Variants in PHACTR2 observed in about 807,000 individuals in gnomAD.
PHACTR2 encodes phosphatase and actin regulator 2, also known as chromosome 6 open reading frame 56.
In PHACTR2, 30 loss-of-function variants were observed where a neutral mutation model predicts 76.0. The observed-to-expected ratio is 0.39, with a 90% confidence interval of 0.30 to 0.54. The LOEUF is 0.54. Ranked by LOEUF, PHACTR2 falls within the 20% of genes least tolerant of loss-of-function variation. The pLI, the probability that PHACTR2 is intolerant of heterozygous loss-of-function variation, is 0.61. For synonymous variants in PHACTR2, 292 were observed against 292.5 expected (o/e 1.00, Z 0.02); for missense variants, 696 against 781.1 (o/e 0.89, Z 1.30).
rs1776520992 is a variant in PHACTR2, at chr6:143,639,155, T to C, written c.13+30833T>C. Among the ~76,000 whole-genome samples the C allele has an allele frequency of 6.6e-6, 1 of 152,242 alleles. No individual in the cohort carries two copies. Among genetic ancestry groups the C allele is most frequent in the Non-Finnish European group, 1.5e-5 (1 of 68,032 alleles). ...AATATTCTTCTGAATTATTTTTGAA[T>C]CATTACATCTTTCTGCTTTCATGAG... On this transcript the variant is annotated intron_variant, in intron 1 of 11. Coordinates refer to the PHACTR2 transcript ENST00000305766. This position sits in a 1 kb window ranked among gnomAD's most constrained non-coding sequence, Gnocchi z 5.0.
intron 1 of PHACTR2, among the ~76,000 whole-genome samples, chr6:143,642,594 C>G (rs984119686): frequency 2.6e-5 from 4 of 152,256 alleles, no homozygotes; most frequent in Non-Finnish European, 5.9e-5. Context: ...AGGGTTGTTG[C>G]AGATGTAATT....
At chr6:143,538,714 C>T (rs968085289) in intron 1 of PHACTR2, among the ~76,000 whole-genome samples, 2 of 152,228 alleles carry the variant, frequency 1.3e-5, no homozygotes, top group African/African-American at 4.8e-5. Context: ...ACTCTCTCAC[C>T]ATAGCCTTCT....
In PHACTR2 at chr6:143,809,246, A is replaced by T. The variant is rs1776125255; in HGVS notation, c.1922+2113A>T. Among the ~76,000 whole-genome samples the T allele has an allele frequency of 6.6e-6, 1 of 152,254 alleles. No individual in the cohort carries two copies. On this transcript the variant is annotated intron_variant, in intron 12 of 12. Coordinates refer to ENST00000440869, the MANE Select transcript of PHACTR2 (RefSeq NM_001100164.2). This position sits in a 1 kb window ranked among gnomAD's most constrained non-coding sequence, Gnocchi z 4.2. The stretch of plus-strand genomic sequence containing the variant: ...AGTTCTCATTTTATGAAAAATAAAT[A>T]TTTATACTAAAAGAGGTTCTTTCTG...
At chr6:143,734,711 T>C (rs1778779692) in intron 2 of PHACTR2, among the ~76,000 whole-genome samples, 1 of 152,200 alleles carries the variant, frequency 6.6e-6, no homozygotes, top group Non-Finnish European at 1.5e-5. Context: ...CCCACCCACA[T>C]CTTAATTAAA....
At chr6:143,576,875 C>CAA (rs35937662) in intron 1 of PHACTR2, among the ~76,000 whole-genome samples, 1,904 of 102,146 alleles carry the variant, frequency 0.019, 68 homozygotes, top group East Asian at 0.055. Context: ...GACTCTGTCT[C>CAA]AAAAAAAAAA....
In PHACTR2 at chr6:143,623,164, T is replaced by C. The variant is rs1040750295; in HGVS notation, c.13+14842T>C. On this transcript the variant is annotated intron_variant, in intron 1 of 11. Transcript: ENST00000305766. The surrounding 1 kb of genome is among the most constrained non-coding windows in gnomAD (Gnocchi z 5.9). The stretch of plus-strand genomic sequence containing the variant: ...ATATTTTTAGACATGATTTAGTATA[T>C]GTATTTTAAACTAAATTAATAAATT... 5.3e-5 allele frequency among the ~76,000 whole-genome samples: 8 copies of C among 151,440 alleles called. No homozygotes were observed. Among genetic ancestry groups the C allele is most frequent in the Admixed American group, 2.0e-4 (3 of 15,158 alleles).
chr6:143,779,005 T>C lies in PHACTR2; in HGVS notation c.1645+1622T>C, dbSNP rs1444183599. Among the ~76,000 whole-genome samples, 3 of 152,168 alleles carry C rather than the reference T, an allele frequency of 2.0e-5. No individual in the cohort carries two copies. The East Asian group carries it at 5.8e-4, about 29-fold the overall frequency. The stretch of plus-strand genomic sequence containing the variant: ...CTTCAGATTTGACTCCAGCCCTTTT[T>C]TTCCTTCCTTCTAAGTTCACCTAAG... On this transcript the variant is annotated intron_variant, in intron 9 of 12. Transcript: ENST00000440869.
At chr6:143,717,904 A>T (rs929788557) in intron 2 of PHACTR2, among the ~76,000 whole-genome samples, 9 of 152,188 alleles carry the variant, frequency 5.9e-5, no homozygotes, top group Non-Finnish European at 1.2e-4. Context: ...GAAATTGAAG[A>T]TTTTAAAAAT....
chr6:143,769,444 C>T (rs1775039540), intron 6 of PHACTR2, among the ~76,000 whole-genome samples: 1 of 152,014 alleles, frequency 6.6e-6, no homozygotes, highest in African/African-American at 2.4e-5. Flanking sequence ...TAACATAACT[C>T]ATTAAGTGTA....
Position 143,610,672 on chromosome 6 carries a change from G to T in PHACTR2, c.13+2350G>T, listed in dbSNP as rs1035215901. On this transcript the variant is annotated intron_variant, in intron 1 of 11. Coordinates refer to the PHACTR2 transcript ENST00000305766. The surrounding 1 kb of genome is among the most constrained non-coding windows in gnomAD (Gnocchi z 4.9). ...AGCTGCTTGGGACTCCGGCCCTTTT[G>T]GTGGGTGTGTGTACATTTCAGCTAT... 6.6e-6 allele frequency among the ~76,000 whole-genome samples: 1 copy of T among 152,164 alleles called. No individual in the cohort carries two copies. The highest frequency in any genetic ancestry group is 1.5e-5 in the Non-Finnish European group (1 of 68,036).
At position 143,680,915 on chromosome 6, in the gene PHACTR2, A is replaced by G. The variant is rs1451055389; in HGVS notation, c.46+2706A>G. The stretch of plus-strand genomic sequence containing the variant: ...AGCATAATGTTTTCAAGGGTCATCC[A>G]TGTTGTAGCATGTATCAGTTGTTCA... On this transcript the variant is annotated intron_variant, in intron 1 of 12. Transcript: ENST00000440869. The surrounding 1 kb of genome is among the most constrained non-coding windows in gnomAD (Gnocchi z 4.5). Among the ~76,000 whole-genome samples the G allele has an allele frequency of 6.6e-6, 1 of 152,208 alleles. No individual in the cohort carries two copies. The highest frequency in any genetic ancestry group is 1.5e-5 in the Non-Finnish European group (1 of 68,028).
rs1381076561 is a variant in PHACTR2, at chr6:143,784,040, A to AC, written c.1707+760_1707+761insC. Among the ~76,000 whole-genome samples, 1 of 151,840 alleles carries AC rather than the reference A, an allele frequency of 6.6e-6. No individual in the cohort carries two copies. The highest frequency in any genetic ancestry group is 1.5e-5 in the Non-Finnish European group (1 of 67,974). ...ATCTCGCTTGATTAGAACAATGAAA[A>AC]AAAAAAAGAAAAAAAGAAGTGAAAA... On this transcript the variant is annotated intron_variant, in intron 10 of 12. Transcript: ENST00000440869. The surrounding 1 kb of genome is among the most constrained non-coding windows in gnomAD (Gnocchi z 4.5).
intron 11 of PHACTR2, among the ~76,000 whole-genome samples, chr6:143,797,246 T>C (rs577954633): frequency 1.3e-5 from 2 of 152,350 alleles, no homozygotes; most frequent in South Asian, 2.1e-4. Context: ...AGCCCATTTT[T>C]TGATGGGGTT....
At position 143,754,551 on chromosome 6, in the gene PHACTR2, C is replaced by T. The variant is rs1328207998; in HGVS notation, c.454+639C>T. 6.6e-6 allele frequency among the ~76,000 whole-genome samples: 1 copy of T among 152,194 alleles called. No homozygotes were observed. Among genetic ancestry groups the T allele is most frequent in the African/African-American group, 2.4e-5 (1 of 41,440 alleles). On this transcript the variant is annotated intron_variant, in intron 4 of 12. Coordinates refer to ENST00000440869, the MANE Select transcript of PHACTR2 (RefSeq NM_001100164.2). The surrounding 1 kb of genome is among the most constrained non-coding windows in gnomAD (Gnocchi z 6.2). ...TATTCCCAGAAGACTTCTTTAGAGA[C>T]CTTGGTTCCTAGAGTGAATATGCTA... is the stretch of plus-strand genomic sequence containing the variant.
At position 143,811,497 on chromosome 6, in the gene PHACTR2, C is replaced by T. The variant is rs73589102; in HGVS notation, c.1922+4364C>T. On this transcript the variant is annotated intron_variant, in intron 12 of 12. Coordinates refer to ENST00000440869, the MANE Select transcript of PHACTR2 (RefSeq NM_001100164.2). The surrounding 1 kb of genome is among the most constrained non-coding windows in gnomAD (Gnocchi z 4.1). ...ATATAAACAGATGCAAATATATAAG[C>T]TTTCAGGGAGAGTAACAGCTAATAT... Among the ~76,000 whole-genome samples, 1,859 of 152,104 alleles carry T rather than the reference C, an allele frequency of 0.012. 37 individuals carry two copies. The highest frequency in any genetic ancestry group is 0.043 in the African/African-American group (1,769 of 41,502).
intron 1 of PHACTR2, among the ~76,000 whole-genome samples, chr6:143,584,861 G>A (rs1402264046): frequency 6.6e-6 from 1 of 151,844 alleles, no homozygotes; most frequent in Non-Finnish European, 1.5e-5. Flanking sequence ...TAAAGATTAG[G>A]ACTCGGGCAC....
At chr6:143,798,688 T>G (rs1775886175) in intron 11 of PHACTR2, among the ~76,000 whole-genome samples, 1 of 152,218 alleles carries the variant, frequency 6.6e-6, no homozygotes, top group African/African-American at 2.4e-5. Context: ...TGGATTATGT[T>G]TATTGATTTG....
chr6:143,628,924 GATATATATATATATATATATAT>G (rs71024862), intron 1 of PHACTR2, among the ~76,000 whole-genome samples: 889 of 33,994 alleles, frequency 0.026, 19 homozygotes, highest in Middle Eastern at 0.034. Flanking sequence ...AAATGCAGGA[GATATATATATATATATATATAT>G]ATATATATAT....
chr6:143,823,997 C>T lies in PHACTR2; in HGVS notation c.*308C>T. 7.6e-6 allele frequency: 2 copies of T among 263,310 alleles called. No homozygotes were observed. Among genetic ancestry groups the T allele is most frequent in the Non-Finnish European group, 1.4e-5 (2 of 140,580 alleles). 16.3% of individuals were successfully genotyped at this position (263,310 alleles called of 1,614,324 possible). On this transcript the variant is annotated 3_prime_UTR_variant, in exon 13 of 13. Coordinates refer to ENST00000440869, the MANE Select transcript of PHACTR2 (RefSeq NM_001100164.2). This position sits in a 1 kb window ranked among gnomAD's most constrained non-coding sequence, Gnocchi z 5.7. ...ATGAGCAGAAGACAATCACTGGCTC[C>T]CTGTTACCAGAAAGCCAAATTTTAT...
Sources: allele counts gnomAD v4.1 joint callset (sites outside exome capture counted in the v4.1 genomes callset), GRCh38; gene constraint gnomAD v4.1.1; non-coding constraint Gnocchi (gnomAD v3.1); transcripts MANE v1.5; gene names NCBI Gene and HGNC (gene_info 2026-07-23, HGNC 2026-07-21).